Variants in SESN3 observed in about 807,000 individuals in gnomAD.
SESN3 encodes sestrin 3.
Under a neutral mutation model 55.3 loss-of-function variants are expected in SESN3, and 21 were observed. The ratio of observed to expected loss-of-function variants is 0.38; its 90% CI spans 0.27 to 0.55. The LOEUF is 0.55. Ranked by LOEUF, SESN3 falls within the 20% of genes least tolerant of loss-of-function variation. The pLI is 0.76. For synonymous variants in SESN3, 181 were observed against 203.1 expected (o/e 0.89, Z 0.93); for missense variants, 408 against 604.3 (o/e 0.68, Z 3.41).
chr11:95,182,166 T>C, intron 6 of SESN3: 1 of 327,116 alleles, frequency 3.1e-6, no homozygotes, highest in Non-Finnish European at 6.1e-6. Flanking sequence ...TTTTAATATT[T>C]CAAAAGACCT....
At position 95,231,173 on chromosome 11, in the gene SESN3, G is replaced by A. The variant is rs1044939831; in HGVS notation, c.-313C>T. ...ACGAGCAGCCGCCACCGCTGCCACC[G>A]CCACCACCGCCGCCGCAGCGCCTCA... On this transcript the variant is annotated 5_prime_UTR_variant, in exon 1 of 10. Transcript: ENST00000536441. 1.8e-5 allele frequency: 5 copies of A among 272,870 alleles called. No homozygotes were observed. Among genetic ancestry groups the A allele is most frequent in the Non-Finnish European group, 2.6e-5 (4 of 151,966 alleles). 16.9% of individuals were successfully genotyped at this position (272,870 alleles called of 1,614,324 possible). A position where few individuals can be genotyped will look rare whatever the true frequency, so the allele number is the denominator to read the frequency against.
chr11:95,225,079 T>C (rs1008651776), intron 1 of SESN3, among the ~76,000 whole-genome samples: 2 of 152,180 alleles, frequency 1.3e-5, no homozygotes, highest in African/African-American at 4.8e-5. Flanking sequence ...TTCAGTGATA[T>C]TGAAATTTTT....
chr11:95,222,758 G>A (rs1468138348), intron 1 of SESN3, among the ~76,000 whole-genome samples: 2 of 152,166 alleles, frequency 1.3e-5, no homozygotes, highest in African/African-American at 4.8e-5. Context: ...AGGCTTTTTG[G>A]AAATGTCGTC....
chr11:95,193,622 ATAAT>A (rs1445423909), intron 1 of SESN3, 100 bp from the exon 2 acceptor site: 1 of 700,662 alleles, frequency 1.4e-6, no homozygotes, highest in Non-Finnish European at 2.4e-6. Context: ...AAGAGAATAA[ATAAT>A]TAAATTATGT....
intron 9 of SESN3, among the ~76,000 whole-genome samples, chr11:95,174,722 G>C (rs1212427931): frequency 6.6e-6 from 1 of 151,998 alleles, no homozygotes; most frequent in African/African-American, 2.4e-5. Flanking sequence ...CCTGACCTCA[G>C]GTGATCCCCC....
intron 1 of SESN3, among the ~76,000 whole-genome samples, chr11:95,212,045 C>T (rs1028899799): frequency 6.6e-6 from 1 of 152,082 alleles, no homozygotes. Flanking sequence ...GTTATAGATA[C>T]TCTATAATGT....
At chr11:95,202,304 A>G (rs925972819) in intron 1 of SESN3, among the ~76,000 whole-genome samples, 1 of 151,890 alleles carries the variant, frequency 6.6e-6, no homozygotes, top group Non-Finnish European at 1.5e-5. Context: ...TCTTTCATCC[A>G]TTTCTCCTCC....
chr11:95,227,486 A>G (rs759451728), intron 1 of SESN3, among the ~76,000 whole-genome samples: 4 of 152,272 alleles, frequency 2.6e-5, no homozygotes, highest in Non-Finnish European at 4.4e-5. Context: ...TTACAGGCGT[A>G]AGCCACCATG....
intron 1 of SESN3, among the ~76,000 whole-genome samples, chr11:95,218,690 G>A (rs1293249919): frequency 7.9e-6 from 1 of 125,994 alleles, no homozygotes; most frequent in Non-Finnish European, 1.6e-5. Context: ...TCGCTCTGTC[G>A]CCCAGGCTGG....
At chr11:95,200,670 G>A (rs1215637673) in intron 1 of SESN3, among the ~76,000 whole-genome samples, 2 of 152,004 alleles carry the variant, frequency 1.3e-5, no homozygotes, top group African/African-American at 4.8e-5. Flanking sequence ...AAGGGCCTGA[G>A]ACTTTAAGAG....
At chr11:95,215,532 ATTG>A (rs1379649230) in intron 1 of SESN3, among the ~76,000 whole-genome samples, 1 of 152,184 alleles carries the variant, frequency 6.6e-6, no homozygotes, top group Non-Finnish European at 1.5e-5. Context: ...ATTCCTAAAA[ATTG>A]TTATCTAGTT....
At chr11:95,228,527 T>C (rs1285968410) in intron 1 of SESN3, among the ~76,000 whole-genome samples, 1 of 152,226 alleles carries the variant, frequency 6.6e-6, no homozygotes, top group African/African-American at 2.4e-5. Flanking sequence ...CTTAGAGTTA[T>C]ATCAACAAGA....
intron 3 of SESN3, among the ~76,000 whole-genome samples, chr11:95,190,315 T>G (rs1004372920): frequency 2.0e-5 from 3 of 151,938 alleles, no homozygotes; most frequent in Admixed American, 1.3e-4. Flanking sequence ...TCTCATTAAC[T>G]TACATTCTAA....
chr11:95,190,053 G>A, intron 3 of SESN3, 92 bp from the exon 4 acceptor site: 1 of 884,944 alleles, frequency 1.1e-6, no homozygotes, highest in South Asian at 2.0e-5. Flanking sequence ...TGGAGCTAAT[G>A]ATTTTTATAG....
At chr11:95,223,126 T>C (rs1166230867) in intron 1 of SESN3, among the ~76,000 whole-genome samples, 10 of 152,062 alleles carry the variant, frequency 6.6e-5, no homozygotes, top group African/African-American at 1.7e-4. Flanking sequence ...CTGGCTGTCA[T>C]AGCTTTTGTG....
Position 95,207,826 on chromosome 11 carries a change from T to G in SESN3, c.79-14304A>C, listed in dbSNP as rs1860577964. Among the ~76,000 whole-genome samples, 4 of 150,978 alleles carry G rather than the reference T, an allele frequency of 2.6e-5. No individual in the cohort carries two copies. The South Asian group carries it at 6.4e-4, about 24-fold the overall frequency. On this transcript the variant is annotated intron_variant, in intron 1 of 9. Coordinates refer to ENST00000536441, the MANE Select transcript of SESN3 (RefSeq NM_144665.4). Reference sequence around the variant, plus strand: ...CTTCAATGTTCTATACTATATGTTTTTTTTGTTTTGTTTTGTTTTGTTTTT... The same window carrying G: ...CTTCAATGTTCTATACTATATGTTTGTTTTGTTTTGTTTTGTTTTGTTTTT...
chr11:95,215,538 A>G (rs1460671279), intron 1 of SESN3, among the ~76,000 whole-genome samples: 1 of 152,188 alleles, frequency 6.6e-6, no homozygotes, highest in African/African-American at 2.4e-5. Context: ...AAAAATTGTT[A>G]TCTAGTTTGG....
At chr11:95,184,359 C>G in intron 6 of SESN3, 61 bp downstream of exon 6, 1 of 1,388,792 alleles carries the variant, frequency 7.2e-7, no homozygotes, top group Non-Finnish European at 1.0e-6. Context: ...ATGGAAAACA[C>G]TGAAGTTGCC....
Position 95,208,113 on chromosome 11 carries a change from C to T in SESN3, c.79-14591G>A, listed in dbSNP as rs1311620053. ...CCTTAGTTTTTTAAAAAAAATGAAT[C>T]AAGGGATTATTTTAAGGTATTTTAT... On this transcript the variant is annotated intron_variant, in intron 1 of 9. Coordinates refer to ENST00000536441, the MANE Select transcript of SESN3 (RefSeq NM_144665.4). Among the ~76,000 whole-genome samples the T allele has an allele frequency of 4.6e-5, 7 of 151,216 alleles. 1 individual carries two copies. Among genetic ancestry groups the T allele is most frequent in the Non-Finnish European group, 7.4e-5 (5 of 67,722 alleles).
Sources: allele counts gnomAD v4.1 joint callset (sites outside exome capture counted in the v4.1 genomes callset), GRCh38; gene constraint gnomAD v4.1.1; transcripts MANE v1.5; gene names NCBI Gene and HGNC (gene_info 2026-07-23, HGNC 2026-07-21).